GABRB1: variants seen among roughly 807,000 people sequenced by gnomAD.
GABRB1 encodes gamma-aminobutyric acid type A receptor subunit beta1.
GABRB1 carries 17 observed loss-of-function variants against 51.6 expected under a neutral mutation model. The ratio of observed to expected loss-of-function variants is 0.33; its 90% CI spans 0.23 to 0.49. GABRB1 has a LOEUF of 0.49. GABRB1 is among the 20% of genes least tolerant of loss of function. GABRB1 has a pLI of 0.99. For synonymous variants in GABRB1, 247 were observed against 218.9 expected, an observed-to-expected ratio of 1.13 and a Z score of -1.14; for missense variants, 410 against 600.6, an observed-to-expected ratio of 0.68 and a Z score of 3.32.
At chr4:47,134,205 AC>A (rs1156991938) in intron 3 of GABRB1, among the ~76,000 whole-genome samples, 1 of 152,184 alleles carries the variant, frequency 6.6e-6, no homozygotes, top group African/African-American at 2.4e-5. Context: ...GTTGTACTCC[AC>A]TGAATCATTA....
intron 1 of GABRB1, among the ~76,000 whole-genome samples, chr4:47,005,270 TAGCC>T (rs1724354089): frequency 6.6e-6 from 1 of 152,036 alleles, no homozygotes. Context: ...TACAAAAAAT[TAGCC>T]AGGCATGGTG....
intron 4 of GABRB1, among the ~76,000 whole-genome samples, chr4:47,280,325 T>A (rs1723233695): frequency 6.6e-6 from 1 of 151,948 alleles, no homozygotes; most frequent in African/African-American, 2.4e-5. Context: ...TTTCATAATT[T>A]TTATAATTTG....
At chr4:47,091,051 T>G (rs1202722747) in intron 3 of GABRB1, among the ~76,000 whole-genome samples, 2 of 128,648 alleles carry the variant, frequency 1.6e-5, no homozygotes, top group Non-Finnish European at 3.3e-5. Context: ...ATCCCACCCC[T>G]TCCCCCACCC....
At chr4:47,296,603 A>G (rs951191116) in intron 4 of GABRB1, among the ~76,000 whole-genome samples, 11 of 152,362 alleles carry the variant, frequency 7.2e-5, no homozygotes, top group Non-Finnish European at 1.0e-4. Flanking sequence ...ACCCAGATTC[A>G]TAAAGCAAGT....
At chr4:47,317,460 AG>A (rs1299852249) in intron 4 of GABRB1, among the ~76,000 whole-genome samples, 2 of 152,014 alleles carry the variant, frequency 1.3e-5, no homozygotes, top group East Asian at 1.9e-4. Context: ...ACTAAAAAAA[AG>A]AATGTTGCAG....
At chr4:47,269,274 C>A (rs968370671) in intron 4 of GABRB1, among the ~76,000 whole-genome samples, 3 of 152,138 alleles carry the variant, frequency 2.0e-5, no homozygotes, top group African/African-American at 4.8e-5. Context: ...ATCACAAACC[C>A]TTTCTGCCCC....
At chr4:47,018,513 T>A (rs1394880745) in intron 1 of GABRB1, among the ~76,000 whole-genome samples, 1 of 152,112 alleles carries the variant, frequency 6.6e-6, no homozygotes, top group Non-Finnish European at 1.5e-5. Flanking sequence ...AATATAGAAG[T>A]TAGGGGCCCT....
intron 4 of GABRB1, among the ~76,000 whole-genome samples, chr4:47,227,959 T>G (rs1272295703): frequency 6.6e-6 from 1 of 152,174 alleles, no homozygotes; most frequent in Non-Finnish European, 1.5e-5. Context: ...TTAGCACCCA[T>G]CTAATAGCCT....
chr4:47,125,712 C>T (rs903611184), intron 3 of GABRB1, among the ~76,000 whole-genome samples: 2 of 147,586 alleles, frequency 1.4e-5, no homozygotes, highest in Admixed American at 6.8e-5. Context: ...CCTGCCACTA[C>T]GCCCGGCTAA....
chr4:47,216,594 A>G (rs1228940744), intron 4 of GABRB1, among the ~76,000 whole-genome samples: 1 of 151,874 alleles, frequency 6.6e-6, no homozygotes, highest in Non-Finnish European at 1.5e-5. Flanking sequence ...AAGAGTCAAA[A>G]ATCACCCAGA....
chr4:47,275,730 A>C (rs1248898852), intron 4 of GABRB1, among the ~76,000 whole-genome samples: 1 of 152,108 alleles, frequency 6.6e-6, no homozygotes, highest in Non-Finnish European at 1.5e-5. Context: ...TTGTTGTGCA[A>C]AATTCACATT....
At chr4:47,243,053 A>G (rs1017509685) in intron 4 of GABRB1, among the ~76,000 whole-genome samples, 2 of 152,136 alleles carry the variant, frequency 1.3e-5, no homozygotes, top group African/African-American at 2.4e-5. Context: ...ATCTTGAATT[A>G]ATTTTTGTAT....
intron 3 of GABRB1, among the ~76,000 whole-genome samples, chr4:47,093,283 T>C (rs145332436): frequency 2.4e-4 from 36 of 152,240 alleles, no homozygotes; most frequent in African/African-American, 8.7e-4. Flanking sequence ...AAATCCCCAT[T>C]AAATATGAAT....
chr4:47,254,489 C>A (rs564811239), intron 4 of GABRB1, among the ~76,000 whole-genome samples: 1 of 148,898 alleles, frequency 6.7e-6, no homozygotes, highest in East Asian at 2.1e-4. Context: ...CCTCAGCCTC[C>A]GGAGTAGCTG....
chr4:47,278,466 G>A (rs1221483501), intron 4 of GABRB1, among the ~76,000 whole-genome samples: 1 of 152,002 alleles, frequency 6.6e-6, no homozygotes, highest in Non-Finnish European at 1.5e-5. Flanking sequence ...TCTTCAAGAG[G>A]GATTTGAAAA....
intron 8 of GABRB1, among the ~76,000 whole-genome samples, chr4:47,420,884 G>A (rs956086371): frequency 2.1e-4 from 32 of 152,040 alleles, no homozygotes; most frequent in African/African-American, 7.5e-4. Context: ...GAAAGCTGGA[G>A]GGTGAGGGTG....
intron 4 of GABRB1, among the ~76,000 whole-genome samples, chr4:47,277,582 A>G (rs1723132519): frequency 6.6e-6 from 1 of 152,062 alleles, no homozygotes; most frequent in Admixed American, 6.6e-5. Context: ...TGTTTATTTC[A>G]CATTGCATGC....
chr4:47,040,513 C>T (rs1346773589), intron 3 of GABRB1, among the ~76,000 whole-genome samples: 5 of 152,104 alleles, frequency 3.3e-5, no homozygotes, highest in South Asian at 2.1e-4. Context: ...TGATTGACAT[C>T]GGGGCTGCAT....
intron 4 of GABRB1, among the ~76,000 whole-genome samples, chr4:47,309,789 T>C (rs1317679098): frequency 2.0e-5 from 3 of 152,134 alleles, no homozygotes; most frequent in African/African-American, 7.2e-5. Flanking sequence ...TGGGTCATTT[T>C]TTCTCTCATC....
Sources: gnomAD v4.1 joint callset for allele counts (sites outside exome capture counted in the v4.1 genomes callset) on GRCh38, gnomAD v4.1.1 for gene constraint, MANE v1.5 for transcripts, NCBI Gene and HGNC (gene_info 2026-07-23, HGNC 2026-07-21) for gene names.